Variants in CPAMD8 observed in about 807,000 individuals in gnomAD.
The protein encoded by CPAMD8 is C3 and PZP like alpha-2-macroglobulin domain containing 8.
In CPAMD8, 146 loss-of-function variants were observed where a neutral mutation model predicts 224.7. The observed-to-expected ratio is 0.65, with a 90% CI of 0.57 to 0.75. The LOEUF (loss-of-function observed/expected upper bound fraction) is 0.75. Among genes scored for constraint, CPAMD8 ranks in the 30% least tolerant of loss-of-function variants. CPAMD8 has a pLI of 0.00. For synonymous variants in CPAMD8, 966 were observed against 1,044.6 expected, an observed-to-expected ratio of 0.92 and a Z score of 1.45; for missense variants, 2,301 against 2,537.5, an observed-to-expected ratio of 0.91 and a Z score of 2.00.
At chr19:16,908,733 C>T (rs772989128) in intron 29 of CPAMD8, among the ~76,000 whole-genome samples, 4 of 152,202 alleles carry the variant, frequency 2.6e-5, no homozygotes, top group Non-Finnish European at 4.4e-5. Flanking sequence ...CCAGGACAAA[C>T]GTGGGAACTG....
chr19:16,928,659 AC>A (rs1280056346), intron 24 of CPAMD8, among the ~76,000 whole-genome samples: 1 of 147,874 alleles, frequency 6.8e-6, no homozygotes, highest in Non-Finnish European at 1.5e-5. Context: ...CCCAGAAAAC[AC>A]CCCCCAACCC....
At chr19:16,925,084 C>T in intron 26 of CPAMD8, 112 bp downstream of exon 26, 1 of 1,155,492 alleles carries the variant, frequency 8.7e-7, no homozygotes, top group Admixed American at 1.9e-5. Flanking sequence ...TGCCCACTTC[C>T]TCCCCTTTGC....
Position 16,914,425 on chromosome 19 carries a change from T to C in CPAMD8, c.3860A>G (p.Glu1287Gly). The C allele has an allele frequency of 6.2e-7, 1 of 1,614,070 alleles. No homozygotes were observed. Among genetic ancestry groups the C allele is most frequent in the African/African-American group, 1.3e-5 (1 of 75,036 alleles). ...TCCCCAAACCCCTTCTGTACTCACC[T>C]CTGAGGCTGTGCCTGTTTCCAGGAG... is the stretch of plus-strand genomic sequence containing the variant. ...VALLETGTAS[E>G]EERGSTDKAR... The change falls in exon 29 of 42, where the codon GAG (glutamate) becomes GGG (glycine). Residue 1287 changes from glutamate to glycine, a missense_variant and splice_region_variant. Around this residue, in one of 4 missense-constraint regions of CPAMD8, gnomAD observed 1,709 missense variants for 1,753.2 expected, o/e 0.97. Transcript: ENST00000443236.
chr19:17,016,342 T>A (rs1411703616), intron 3 of CPAMD8, among the ~76,000 whole-genome samples: 1 of 152,190 alleles, frequency 6.6e-6, no homozygotes, highest in Non-Finnish European at 1.5e-5. Context: ...TATACAACCC[T>A]TTGTTAGTCT....
intron 22 of CPAMD8, among the ~76,000 whole-genome samples, chr19:16,942,983 T>C (rs1420899287): frequency 6.6e-6 from 1 of 151,704 alleles, no homozygotes; most frequent in African/African-American, 2.4e-5. Flanking sequence ...TGGCCTTTTG[T>C]GTTTGACTTT....
chr19:16,982,932 C>T (rs1349800632), intron 13 of CPAMD8, among the ~76,000 whole-genome samples: 2 of 152,144 alleles, frequency 1.3e-5, no homozygotes, highest in East Asian at 3.8e-4. Context: ...GGGACAGTTT[C>T]CCCAATACAG....
In CPAMD8 at chr19:16,914,755, G is replaced by T; in HGVS notation, c.3688C>A (p.Pro1230Thr). 6.2e-7 allele frequency: 1 copy of T among 1,614,106 alleles called. No homozygotes were observed. ...CTCTTGGCGGCAGCCAGCTCCCGGGGGTCCACGAAGATAAAGCTGCGAGCC... is the reference window on the plus strand; with the variant it reads ...CTCTTGGCGGCAGCCAGCTCCCGGGTGTCCACGAAGATAAAGCTGCGAGCC... ...AQARSFIFVD[P>T]RELAAAKSWI... Residue 1230 changes from proline to threonine, a missense_variant, in exon 28 of 42, where the codon CCC (proline) becomes ACC (threonine). Around this residue, in one of 4 missense-constraint regions of CPAMD8, gnomAD observed 1,709 missense variants for 1,753.2 expected, o/e 0.97. Coordinates refer to ENST00000443236, the MANE Select transcript of CPAMD8 (RefSeq NM_015692.5).
intron 2 of CPAMD8, 27 bp from the exon 3 acceptor site, chr19:17,020,380 G>T (rs770208333): frequency 1.9e-6 from 3 of 1,544,286 alleles, no homozygotes; most frequent in South Asian, 2.2e-5. Flanking sequence ...AATGAAAAAA[G>T]TTAAATCAAG....
In CPAMD8 at chr19:16,893,148, T is replaced by A; in HGVS notation, c.5618A>T (p.Glu1873Val). Residue 1873 changes from glutamate to valine, a missense_variant, in exon 42 of 42, where the codon GAG (glutamate) becomes GTG (valine). Glu to Val is a moderately radical substitution (Grantham distance 121). This residue lies in a region of CPAMD8 where 1,709 missense variants were observed against 1,753.2 expected (regional missense o/e 0.97). Transcript: ENST00000443236. ...VYSPAFQSGG[E>V]EGLWMSNTCT... is the part of the protein sequence containing the mutation. Reference sequence around the variant, plus strand: ...GGTGTTTGACATCCATAAACCCTCCTCCCCACCACTCTGAAAGGCTGGGCT... The same window carrying A: ...GGTGTTTGACATCCATAAACCCTCCACCCCACCACTCTGAAAGGCTGGGCT... The A allele has an allele frequency of 6.4e-7, 1 of 1,567,380 alleles. No homozygotes were observed. Among genetic ancestry groups the A allele is most frequent in the Non-Finnish European group, 8.8e-7 (1 of 1,139,516 alleles).
At chr19:16,919,589 G>C (rs1164520478) in intron 27 of CPAMD8, among the ~76,000 whole-genome samples, 1 of 152,216 alleles carries the variant, frequency 6.6e-6, no homozygotes, top group Non-Finnish European at 1.5e-5. Flanking sequence ...ATAATAAATA[G>C]AGATAATACG....
rs76508407 is a variant in CPAMD8 at position 16,995,895 on chromosome 19, A to G, written c.1095+1216T>C. Reference sequence around the variant, plus strand: ...CTAGGTGCGGTGGCTCCTGTTTGCAATCTCAGCACTCTGGGAGGCTGAGGC... The same window carrying G: ...CTAGGTGCGGTGGCTCCTGTTTGCAGTCTCAGCACTCTGGGAGGCTGAGGC... On this transcript the variant is annotated intron_variant, in intron 11 of 41. Coordinates refer to ENST00000443236, the MANE Select transcript of CPAMD8 (RefSeq NM_015692.5). 1.5e-3 allele frequency among the ~76,000 whole-genome samples: 235 copies of G among 152,252 alleles called. 1 individual carries two copies. The highest frequency in any genetic ancestry group is 5.5e-3 in the African/African-American group (227 of 41,544).
rs553241290 is a variant in CPAMD8, at chr19:16,906,845, G to C, written c.4027+107C>G. 3.6e-6 allele frequency: 4 copies of C among 1,123,582 alleles called. No individual in the cohort carries two copies. The African/African-American group carries it at 4.6e-5, about 13-fold the overall frequency. The allele number at this position is 1,123,582 out of a possible 1,614,324, so 69.6% of individuals were successfully genotyped here. A position where few individuals can be genotyped will look rare whatever the true frequency, so the allele number is the denominator to read the frequency against. On this transcript the variant is annotated intron_variant, in intron 30 of 41. Transcript: ENST00000443236. ...CTGCCTCAGCCTCCTGAGTAGCTGG[G>C]ACTACATGACTCGTCAGTTGTGATA...
intron 8 of CPAMD8, 41 bp downstream of exon 8, chr19:17,004,232 C>A: frequency 7.2e-7 from 1 of 1,392,652 alleles, no homozygotes; most frequent in Non-Finnish European, 1.0e-6. Flanking sequence ...AAGGTTTCTC[C>A]CAGATCTGAA....
At chr19:17,015,570 G>A (rs948568852) in intron 3 of CPAMD8, among the ~76,000 whole-genome samples, 2 of 152,178 alleles carry the variant, frequency 1.3e-5, no homozygotes, top group Non-Finnish European at 2.9e-5. Flanking sequence ...GCCACCCGCA[G>A]GACCAGCCTT....
chr19:16,912,233 A>G (rs912320935), intron 29 of CPAMD8, among the ~76,000 whole-genome samples: 1 of 152,252 alleles, frequency 6.6e-6, no homozygotes, highest in African/African-American at 2.4e-5. Context: ...TGTCTTCCAC[A>G]AAACTGGTCC....
At chr19:16,914,374 G>T in intron 29 of CPAMD8, 50 bp downstream of exon 29, 1 of 1,483,724 alleles carries the variant, frequency 6.7e-7, no homozygotes, top group Non-Finnish European at 9.4e-7. Context: ...CCTTCCATTT[G>T]CTCCTCCAGT....
chr19:16,963,027 G>A (rs1350097997), intron 18 of CPAMD8, among the ~76,000 whole-genome samples: 1 of 152,144 alleles, frequency 6.6e-6, no homozygotes, highest in African/African-American at 2.4e-5. Flanking sequence ...TGCCTTTCAA[G>A]AGCTCCTGAA....
At chr19:16,912,032 A>T (rs2052748155) in intron 29 of CPAMD8, among the ~76,000 whole-genome samples, 2 of 152,176 alleles carry the variant, frequency 1.3e-5, no homozygotes, top group Admixed American at 1.3e-4. Context: ...ACTGTCTCCC[A>T]TCACTCCCAG....
intron 41 of CPAMD8, chr19:16,895,903 G>GCGCGCA (rs755564239): frequency 1.5e-5 from 8 of 524,908 alleles, no homozygotes; most frequent in Middle Eastern, 9.5e-4. Flanking sequence ...GCGCGCGCAC[G>GCGCGCA]CACACACACA....
Sources: gnomAD v4.1 joint callset for allele counts (sites outside exome capture counted in the v4.1 genomes callset) on GRCh38, gnomAD v4.1.1 for gene constraint, gnomAD v4.1.1 regional missense constraint, MANE v1.5 for transcripts, NCBI Gene and HGNC (gene_info 2026-07-23, HGNC 2026-07-21) for gene names.